The following FIRRM variants were observed in gnomAD, a reference collection of about 807,000 sequenced individuals.
FIRRM encodes the protein FIGNL1 interacting regulator of recombination and mitosis.
At chr1:169,795,940 T>C in the FIRRM span, 6 of 985,372 alleles carry the variant, frequency 6.1e-6, no homozygotes, top group Non-Finnish European at 7.2e-6. Flanking sequence ...ATTGGTCTCA[T>C]GCCTTTGTGG....
the FIRRM span, chr1:169,853,205 C>T: frequency 1.8e-6 from 1 of 562,138 alleles, no homozygotes; most frequent in Non-Finnish European, 3.1e-6. Flanking sequence ...CCTAGGTCCA[C>T]AAAGAACCAT....
At chr1:169,818,011 C>T in the FIRRM span, among the ~76,000 whole-genome samples, 2 of 151,984 alleles carry the variant, frequency 1.3e-5, no homozygotes, top group East Asian at 1.9e-4. Flanking sequence ...AAACCTTCAG[C>T]GTTATCCTAT....
chr1:169,828,895 A>G, the FIRRM span, among the ~76,000 whole-genome samples: 1 of 152,188 alleles, frequency 6.6e-6, no homozygotes, highest in Non-Finnish European at 1.5e-5. Flanking sequence ...AAGTTTCTTC[A>G]ACCATTTTAA....
the FIRRM span, among the ~76,000 whole-genome samples, chr1:169,824,747 C>T: frequency 6.6e-6 from 1 of 152,202 alleles, no homozygotes; most frequent in Non-Finnish European, 1.5e-5. Flanking sequence ...TCTTGGTTCT[C>T]TTCTAGTCTT....
At chr1:169,850,078 G>A in the FIRRM span, 208 of 581,232 alleles carry the variant, frequency 3.6e-4, no homozygotes, top group African/African-American at 3.6e-3. Context: ...TACAACACTT[G>A]TACAGAAGTT....
At chr1:169,823,395 T>C in the FIRRM span, 1 of 1,564,880 alleles carries the variant, frequency 6.4e-7, no homozygotes, top group South Asian at 1.1e-5. Context: ...TGAATAGAGT[T>C]GTTTTATTTT....
At chr1:169,850,101 T>C in the FIRRM span, 1 of 594,394 alleles carries the variant, frequency 1.7e-6, no homozygotes, top group South Asian at 2.1e-5. Flanking sequence ...TTTTGTATTA[T>C]CCTTAGGGAC....
the FIRRM span, among the ~76,000 whole-genome samples, chr1:169,813,539 A>G: frequency 5.9e-5 from 9 of 152,238 alleles, no homozygotes; most frequent in Non-Finnish European, 1.0e-4. Flanking sequence ...GGGTGGTTTA[A>G]CACATTTAAA....
chr1:169,801,597 C>CAAA, the FIRRM span, among the ~76,000 whole-genome samples: 1 of 124,426 alleles, frequency 8.0e-6, no homozygotes, highest in Non-Finnish European at 1.7e-5. Flanking sequence ...ACCCTTAATT[C>CAAA]AAAAAAAAAA....
the FIRRM span, chr1:169,836,798 T>G: frequency 3.3e-6 from 2 of 605,632 alleles, no homozygotes; most frequent in Non-Finnish European, 5.5e-6. Context: ...TGGTCTGGAA[T>G]GTAGATATTA....
the FIRRM span, among the ~76,000 whole-genome samples, chr1:169,807,291 TAA>T: frequency 2.6e-5 from 4 of 152,208 alleles, no homozygotes; most frequent in African/African-American, 9.6e-5. Flanking sequence ...GTTCTCAGCT[TAA>T]GAGTTATATC....
chr1:169,801,077 C>T, the FIRRM span: 2 of 581,404 alleles, frequency 3.4e-6, no homozygotes, highest in Non-Finnish European at 6.0e-6. Context: ...CAAATATATT[C>T]AAAATAAAAA....
At chr1:169,842,909 C>T in the FIRRM span, among the ~76,000 whole-genome samples, 2 of 152,130 alleles carry the variant, frequency 1.3e-5, no homozygotes, top group African/African-American at 4.8e-5. Context: ...AGTGAGCTGA[C>T]TTAAAGGTGG....
chr1:169,816,560 A>G, the FIRRM span, among the ~76,000 whole-genome samples: 14 of 152,170 alleles, frequency 9.2e-5, no homozygotes, highest in Non-Finnish European at 1.8e-4. Context: ...TATTTTTCAC[A>G]TGGGCTTTTT....
the FIRRM span, chr1:169,792,756 T>G: frequency 1.4e-4 from 230 of 1,613,802 alleles, 2 homozygotes; most frequent in Middle Eastern, 3.6e-3. Flanking sequence ...CCATTTTTAC[T>G]TAACAGTCTA....
At chr1:169,796,593 ACT>A in the FIRRM span, among the ~76,000 whole-genome samples, 3 of 152,018 alleles carry the variant, frequency 2.0e-5, no homozygotes, top group African/African-American at 7.3e-5. Flanking sequence ...CATTGCTACC[ACT>A]CTGATTCCAA....
the FIRRM span, among the ~76,000 whole-genome samples, chr1:169,845,995 CG>C: frequency 6.6e-6 from 1 of 152,152 alleles, no homozygotes; most frequent in Admixed American, 6.5e-5. Context: ...CCTTATAAAA[CG>C]TATTTCTTAA....
At chr1:169,825,269 G>A in the FIRRM span, among the ~76,000 whole-genome samples, 1 of 152,172 alleles carries the variant, frequency 6.6e-6, no homozygotes, top group Non-Finnish European at 1.5e-5. Context: ...TGACTTCTCT[G>A]CTCAACCCCT....
the FIRRM span, among the ~76,000 whole-genome samples, chr1:169,812,141 T>C: frequency 1.3e-5 from 2 of 152,228 alleles, no homozygotes; most frequent in African/African-American, 4.8e-5. Flanking sequence ...GTTTAATTAG[T>C]AGTATGCTAT....
Sources: allele counts gnomAD v4.1 joint callset (sites outside exome capture counted in the v4.1 genomes callset), GRCh38; gene constraint gnomAD v4.1.1; transcripts MANE v1.5; gene names NCBI Gene and HGNC (gene_info 2026-07-23, HGNC 2026-07-21).